Variants in RAB38 observed in about 807,000 individuals in gnomAD.
RAB38 encodes the protein ras-related protein Rab-38.
A neutral mutation model predicts 18.4 loss-of-function variants in RAB38; 15 were observed. The observed-to-expected ratio is 0.82, with a 90% CI of 0.55 to 1.26. The LOEUF (loss-of-function observed/expected upper bound fraction) is 1.26. Ranked by LOEUF, RAB38 falls within the 50% of genes most tolerant of loss-of-function variation. The pLI, the probability that RAB38 is intolerant of heterozygous loss-of-function variation, is 0.00. For missense variants in RAB38, 294 were observed against 267.4 expected (o/e 1.10, Z -0.69); for synonymous variants, 101 against 104.4 (o/e 0.97, Z 0.20).
intron 1 of RAB38, among the ~76,000 whole-genome samples, chr11:88,154,465 G>A (rs568802493): frequency 6.6e-6 from 1 of 152,322 alleles, no homozygotes; most frequent in Admixed American, 6.5e-5. Flanking sequence ...GCTAGGGCCA[G>A]CTTGGCGATC....
the RAB38 span, among the ~76,000 whole-genome samples, chr11:88,100,266 T>C: frequency 1.3e-5 from 2 of 151,940 alleles, no homozygotes; most frequent in African/African-American, 2.4e-5. Flanking sequence ...AGTACAATAC[T>C]GACAGATGCC....
the RAB38 span, among the ~76,000 whole-genome samples, chr11:88,032,950 C>T: frequency 3.6e-4 from 55 of 152,158 alleles, no homozygotes; most frequent in Non-Finnish European, 5.1e-4. Flanking sequence ...TGGCATTATT[C>T]ACAATAGCAA....
chr11:88,085,084 C>A, the RAB38 span, among the ~76,000 whole-genome samples: 2 of 151,736 alleles, frequency 1.3e-5, no homozygotes, highest in East Asian at 3.9e-4. Flanking sequence ...TTAGAGCACA[C>A]CCCTAGGGAT....
the RAB38 span, among the ~76,000 whole-genome samples, chr11:87,876,720 G>T: frequency 6.6e-6 from 1 of 151,584 alleles, no homozygotes; most frequent in South Asian, 2.1e-4. Context: ...TCTGGATTAT[G>T]AAATTCTAGT....
chr11:87,853,919 C>A, the RAB38 span, among the ~76,000 whole-genome samples: 2 of 152,162 alleles, frequency 1.3e-5, no homozygotes, highest in African/African-American at 2.4e-5. Flanking sequence ...GATTATTCAG[C>A]TACTGACCAT....
At chr11:88,145,838 G>T (rs1942978783) in intron 2 of RAB38, among the ~76,000 whole-genome samples, 1 of 152,048 alleles carries the variant, frequency 6.6e-6, no homozygotes, top group Non-Finnish European at 1.5e-5. Context: ...AATTATGCTG[G>T]AACAGCAGGT....
chr11:88,169,649 T>C (rs891147237), intron 1 of RAB38, among the ~76,000 whole-genome samples: 1 of 152,160 alleles, frequency 6.6e-6, no homozygotes. Context: ...CTGTCTCAAG[T>C]TGTGCAGCCC....
the RAB38 span, among the ~76,000 whole-genome samples, chr11:88,045,365 G>A: frequency 6.6e-6 from 1 of 152,178 alleles, no homozygotes; most frequent in Non-Finnish European, 1.5e-5. Flanking sequence ...TCCACTGTGA[G>A]ACAAACCCCA....
At chr11:87,967,318 G>C in the RAB38 span, among the ~76,000 whole-genome samples, 5,749 of 152,230 alleles carry the variant, frequency 0.038, 214 homozygotes, top group South Asian at 0.083. Flanking sequence ...GAATAAATTT[G>C]AGTGGAAAAT....
the RAB38 span, among the ~76,000 whole-genome samples, chr11:88,042,308 C>G: frequency 6.6e-6 from 1 of 152,166 alleles, no homozygotes; most frequent in Non-Finnish European, 1.5e-5. Context: ...TGCACACAGC[C>G]TTGCTTCTCC....
chr11:88,173,974 G>A (rs1591182332), intron 1 of RAB38: 1 of 985,390 alleles, frequency 1.0e-6, no homozygotes, highest in Non-Finnish European at 1.2e-6. Flanking sequence ...AAATGCATCA[G>A]CTAAAATGAA....
the RAB38 span, among the ~76,000 whole-genome samples, chr11:88,053,072 A>T: frequency 2.6e-4 from 35 of 132,274 alleles, 1 homozygote; most frequent in South Asian, 6.0e-3. Context: ...TTATATATAT[A>T]CACATATATA....
chr11:88,045,953 C>T, the RAB38 span, among the ~76,000 whole-genome samples: 1 of 152,130 alleles, frequency 6.6e-6, no homozygotes, highest in Non-Finnish European at 1.5e-5. Context: ...TAGGCCGAGA[C>T]ACTTTAACTA....
At chr11:87,912,776 T>TTTTTTTTTTTTTC in the RAB38 span, among the ~76,000 whole-genome samples, 1 of 148,118 alleles carries the variant, frequency 6.8e-6, no homozygotes, top group South Asian at 2.1e-4. Context: ...CTTTTTTTTT[T>TTTTTTTTTTTTTC]TTTTTAGTTC....
At chr11:88,173,087 G>A (rs1394890814) in intron 1 of RAB38, among the ~76,000 whole-genome samples, 1 of 152,212 alleles carries the variant, frequency 6.6e-6, no homozygotes, top group Non-Finnish European at 1.5e-5. Context: ...GTGCTTTCGA[G>A]CTTGGGAGTT....
At chr11:88,012,810 G>A in the RAB38 span, among the ~76,000 whole-genome samples, 47 of 152,176 alleles carry the variant, frequency 3.1e-4, no homozygotes, top group South Asian at 8.3e-4. Context: ...CAAATAAGCC[G>A]AATCTGATAA....
At chr11:88,162,418 C>G (rs1334989662) in intron 1 of RAB38, among the ~76,000 whole-genome samples, 1 of 151,974 alleles carries the variant, frequency 6.6e-6, no homozygotes, top group African/African-American at 2.4e-5. Context: ...AATATGGTCC[C>G]CATGCTGAGT....
At chr11:88,142,184 C>A (rs1419418292) in intron 2 of RAB38, among the ~76,000 whole-genome samples, 3 of 152,186 alleles carry the variant, frequency 2.0e-5, no homozygotes, top group African/African-American at 7.2e-5. Flanking sequence ...AACACTTTTG[C>A]AGATCATGGA....
the RAB38 span, among the ~76,000 whole-genome samples, chr11:87,888,229 GAGGCAATGACT>G: frequency 6.6e-6 from 1 of 151,956 alleles, no homozygotes; most frequent in Non-Finnish European, 1.5e-5. Context: ...TATGCACACA[GAGGCAATGACT>G]AGTAGTTACA....
Sources: gnomAD v4.1 joint callset for allele counts (sites outside exome capture counted in the v4.1 genomes callset) on GRCh38, gnomAD v4.1.1 for gene constraint, MANE v1.5 for transcripts, NCBI Gene and HGNC (gene_info 2026-07-23, HGNC 2026-07-21) for gene names.